Variants in POTEJ observed in about 807,000 individuals in gnomAD.
POTEJ encodes POTE ankyrin domain family, member J.
Under a neutral mutation model 69.0 loss-of-function variants are expected in POTEJ, and 11 were observed. The ratio of observed to expected loss-of-function variants is 0.16; its 90% CI spans 0.10 to 0.26. The LOEUF (loss-of-function observed/expected upper bound fraction) is 0.26, where lower values mean the gene tolerates loss of function less well. POTEJ is among the 10% of genes least tolerant of loss of function. POTEJ has a pLI of 1.00. For missense variants in POTEJ, 327 were observed against 1,045.5 expected (o/e 0.31, Z 9.48); for synonymous variants, 117 against 381.1 (o/e 0.31, Z 8.07).
intron 5 of POTEJ, 117 bp from the exon 6 acceptor site, chr2:130,623,947 A>G (rs1685613188): frequency 3.6e-6 from 3 of 827,812 alleles, no homozygotes; most frequent in Non-Finnish European, 5.4e-6. Flanking sequence ...ATGGGATAAT[A>G]CTATTAAGTT....
chr2:130,626,754 A>T (rs1285188786), intron 6 of POTEJ, among the ~76,000 whole-genome samples: 3 of 152,160 alleles, frequency 2.0e-5, no homozygotes, highest in Admixed American at 2.0e-4. Context: ...TCAATGTATT[A>T]CAAGGTTTTC....
chr2:130,624,838 A>C (rs1209480745), intron 6 of POTEJ, among the ~76,000 whole-genome samples: 18 of 152,218 alleles, frequency 1.2e-4, no homozygotes, highest in Middle Eastern at 3.4e-3. Context: ...GAAGTTGGAA[A>C]GAGATATATT....
chr2:130,613,279 T>C (rs62164885), intron 1 of POTEJ, among the ~76,000 whole-genome samples: 3 of 55,100 alleles, frequency 5.4e-5, no homozygotes, highest in Non-Finnish European at 9.0e-5. Context: ...TATATACATA[T>C]GTATATATAC....
In POTEJ at chr2:130,657,167, C is replaced by A; in HGVS notation, c.2407C>A (p.Leu803Met). ...PAMYVAIQAM[L>M]SLYTSGRTTG... is the part of the protein sequence containing the mutation. ...CATGTACGTGGCCATCCAGGCCATG[C>A]TGTCCCTGTACACCTCTGGCCGTAC... Residue 803 changes from leucine to methionine, a missense_variant, in exon 15 of 15, where the codon CTG (leucine) becomes ATG (methionine). Physicochemically the swap from Leu to Met is conservative, Grantham distance 15. Transcript: ENST00000409602. 6.5e-7 allele frequency: 1 copy of A among 1,530,890 alleles called. No individual in the cohort carries two copies. The highest frequency in any genetic ancestry group is 9.0e-7 in the Non-Finnish European group (1 of 1,115,192). 94.8% of individuals were successfully genotyped at this position (1,530,890 alleles called of 1,614,324 possible).
chr2:130,644,473 A>G (rs1230953769), intron 11 of POTEJ, among the ~76,000 whole-genome samples: 2 of 152,218 alleles, frequency 1.3e-5, no homozygotes, highest in African/African-American at 4.8e-5. Flanking sequence ...CATCTGAAAA[A>G]AATATATATA....
chr2:130,651,708 A>T (rs1205875060), intron 13 of POTEJ, among the ~76,000 whole-genome samples: 2 of 139,272 alleles, frequency 1.4e-5, no homozygotes, highest in Non-Finnish European at 3.1e-5. Context: ...TATGTATATG[A>T]TAGTCATATT....
At chr2:130,636,895 A>C (rs1191931433) in intron 9 of POTEJ, among the ~76,000 whole-genome samples, 1 of 146,914 alleles carries the variant, frequency 6.8e-6, no homozygotes, top group South Asian at 2.1e-4. Flanking sequence ...GATCGAGACC[A>C]GTGAAACCCC....
intron 10 of POTEJ, among the ~76,000 whole-genome samples, chr2:130,639,253 G>C (rs1333724920): frequency 3.3e-5 from 5 of 152,308 alleles, no homozygotes; most frequent in Admixed American, 3.3e-4. Flanking sequence ...CCCTGCTCTG[G>C]GAGGTCCTAC....
At chr2:130,637,789 T>C (rs565562781) in intron 9 of POTEJ, among the ~76,000 whole-genome samples, 732 of 151,870 alleles carry the variant, frequency 4.8e-3, no homozygotes, top group Middle Eastern at 0.024. Context: ...GAGATGAACA[T>C]GTATATAAAG....
At chr2:130,636,982 G>T (rs1313558991) in intron 9 of POTEJ, among the ~76,000 whole-genome samples, 1 of 146,654 alleles carries the variant, frequency 6.8e-6, no homozygotes, top group African/African-American at 2.5e-5. Flanking sequence ...TGGAGGCTGA[G>T]GCAGGAGAAT....
intron 9 of POTEJ, among the ~76,000 whole-genome samples, chr2:130,637,940 A>G (rs1686171803): frequency 6.8e-6 from 1 of 147,086 alleles, no homozygotes; most frequent in African/African-American, 2.6e-5. Context: ...CACATTATCT[A>G]CTTTAATGAG....
At chr2:130,624,013 T>C in intron 5 of POTEJ, 51 bp from the exon 6 acceptor site, 2 of 1,488,498 alleles carry the variant, frequency 1.3e-6, no homozygotes, top group East Asian at 2.4e-5. Context: ...TGGTAAGATT[T>C]TTATATCAGT....
At position 130,614,512 on chromosome 2, in the gene POTEJ, G is replaced by A. The variant is rs1216009742; in HGVS notation, c.411-2278G>A. 7.3e-5 allele frequency among the ~76,000 whole-genome samples: 11 copies of A among 149,734 alleles called. No homozygotes were observed. The East Asian group carries it at 1.6e-3, about 21-fold the overall frequency. On this transcript the variant is annotated intron_variant, in intron 1 of 14. Coordinates refer to ENST00000409602, the MANE Select transcript of POTEJ (RefSeq NM_001277083.2). ...GTGTCAGTAGATACAGAGATATGTC[G>A]ACGTGCAAAGATGTACTTTGCTATA...
At chr2:130,613,049 C>A in intron 1 of POTEJ, among the ~76,000 whole-genome samples, 1 of 133,620 alleles carries the variant, frequency 7.5e-6, no homozygotes, top group African/African-American at 2.8e-5. Flanking sequence ...AAGAATTTAG[C>A]ACTTGATAAT....
At chr2:130,612,521 C>T (rs1194749412) in intron 1 of POTEJ, among the ~76,000 whole-genome samples, 1 of 152,292 alleles carries the variant, frequency 6.6e-6, no homozygotes, top group East Asian at 1.9e-4. Context: ...AATCCCAGCA[C>T]TTTGGGAGGC....
rs544840094 is a variant in POTEJ, at chr2:130,641,214, A to G, written c.1369+2525A>G. Among the ~76,000 whole-genome samples, 1,387 of 152,082 alleles carry G rather than the reference A, an allele frequency of 9.1e-3. 3 individuals carry two copies. Among genetic ancestry groups the G allele is most frequent in the African/African-American group, 0.031 (1,301 of 41,318 alleles). ...AGTTTCCTGGGATTGATGGGAGATA[A>G]TCATGCAAAGAAACCAGGAGACAAA... On this transcript the variant is annotated intron_variant, in intron 10 of 14. Transcript: ENST00000409602.
chr2:130,655,461 C>A (rs1686952247), intron 14 of POTEJ, among the ~76,000 whole-genome samples: 1 of 152,368 alleles, frequency 6.6e-6, no homozygotes, highest in South Asian at 2.1e-4. Context: ...ATTGTGGATA[C>A]CATTATCCTT....
intron 10 of POTEJ, among the ~76,000 whole-genome samples, chr2:130,640,800 T>A (rs1317723899): frequency 6.6e-6 from 1 of 152,206 alleles, no homozygotes; most frequent in Non-Finnish European, 1.5e-5. Flanking sequence ...TTTCTGAGGC[T>A]GAGGAGGGGG....
intron 14 of POTEJ, among the ~76,000 whole-genome samples, chr2:130,655,253 T>C (rs1370322493): frequency 1.3e-5 from 2 of 152,100 alleles, no homozygotes; most frequent in African/African-American, 2.4e-5. Context: ...ACCTGCACAA[T>C]GGCCTCAATC....
Sources: gnomAD v4.1 joint callset for allele counts (sites outside exome capture counted in the v4.1 genomes callset) on GRCh38, gnomAD v4.1.1 for gene constraint, MANE v1.5 for transcripts, NCBI Gene and HGNC (gene_info 2026-07-23, HGNC 2026-07-21) for gene names.